HACE1: variants seen among roughly 807,000 people sequenced by gnomAD.
HACE1 encodes the protein E3 ubiquitin-protein ligase HACE1.
A neutral mutation model predicts 118.4 loss-of-function variants in HACE1; 73 were observed. The ratio of observed to expected loss-of-function variants is 0.62; its 90% CI spans 0.51 to 0.75. HACE1 has a LOEUF of 0.75. Ranked by LOEUF, HACE1 falls within the 30% of genes least tolerant of loss-of-function variation. The pLI, the probability that HACE1 is intolerant of heterozygous loss-of-function variation, is 0.00. For synonymous variants in HACE1, 368 were observed against 374.8 expected, an observed-to-expected ratio of 0.98 and a Z score of 0.21; for missense variants, 749 against 1,102.2, an observed-to-expected ratio of 0.68 and a Z score of 4.54.
intron 9 of HACE1, among the ~76,000 whole-genome samples, chr6:104,796,127 A>G (rs960082103): frequency 6.6e-6 from 1 of 152,108 alleles, no homozygotes; most frequent in African/African-American, 2.4e-5. Context: ...TTTTAAAGAT[A>G]GAGCATCACT....
At position 104,848,515 on chromosome 6, in the gene HACE1, A is replaced by G. The variant is rs567071843; in HGVS notation, c.326+627T>C. 1.4e-4 allele frequency among the ~76,000 whole-genome samples: 22 copies of G among 152,192 alleles called. No homozygotes were observed. The East Asian group carries it at 4.3e-3, about 30-fold the overall frequency. ...AGTTCTTCAAGTCCTGAATCAAAAA[A>G]TACTTATTTTCATTTTAAACATAAT... On this transcript the variant is annotated intron_variant, in intron 4 of 23. Coordinates refer to ENST00000262903, the MANE Select transcript of HACE1 (RefSeq NM_020771.4).
intron 22 of HACE1, chr6:104,730,781 C>A: frequency 4.3e-6 from 1 of 234,260 alleles, no homozygotes; most frequent in South Asian, 6.2e-5. Context: ...ATCCCTGGGG[C>A]TAGCAAAATG....
At chr6:104,801,408 A>G (rs1256207270) in intron 7 of HACE1, among the ~76,000 whole-genome samples, 3 of 152,210 alleles carry the variant, frequency 2.0e-5, no homozygotes, top group Admixed American at 6.5e-5. Flanking sequence ...CCCAAGACAC[A>G]TAACTGTCAG....
At chr6:104,858,519 G>A (rs910077363) in intron 1 of HACE1, 2 of 391,688 alleles carry the variant, frequency 5.1e-6, no homozygotes, top group Non-Finnish European at 1.0e-5. Flanking sequence ...GGGGAACATA[G>A]TGAGACCTCA....
At chr6:104,829,311 T>G (rs913584526) in intron 6 of HACE1, among the ~76,000 whole-genome samples, 2 of 152,092 alleles carry the variant, frequency 1.3e-5, no homozygotes, top group African/African-American at 4.8e-5. Flanking sequence ...AACATCATAT[T>G]TCATAGCCCA....
chr6:104,812,003 C>T (rs1217845419), intron 6 of HACE1, among the ~76,000 whole-genome samples: 1 of 151,954 alleles, frequency 6.6e-6, no homozygotes, highest in Non-Finnish European at 1.5e-5. Flanking sequence ...ATACTTAGCC[C>T]CCTAAGCTCT....
chr6:104,787,643 A>C (rs903052257), intron 11 of HACE1, among the ~76,000 whole-genome samples: 10 of 152,214 alleles, frequency 6.6e-5, no homozygotes, highest in African/African-American at 2.2e-4. Context: ...AACACACTGA[A>C]AGGAGGTAAG....
At chr6:104,854,319 G>T (rs1487380751) in intron 1 of HACE1, among the ~76,000 whole-genome samples, 1 of 152,156 alleles carries the variant, frequency 6.6e-6, no homozygotes, top group African/African-American at 2.4e-5. Flanking sequence ...TAGTGGGAAA[G>T]CTGGTGAAAT....
At chr6:104,843,172 C>A in intron 5 of HACE1, 51 bp downstream of exon 5, 1 of 962,172 alleles carries the variant, frequency 1.0e-6, no homozygotes, top group Non-Finnish European at 1.7e-6. Context: ...CATTCAATAT[C>A]ATTTTCTAAA....
At chr6:104,844,270 C>T (rs1334919926) in intron 4 of HACE1, among the ~76,000 whole-genome samples, 5 of 151,790 alleles carry the variant, frequency 3.3e-5, no homozygotes, top group East Asian at 1.9e-4. Context: ...CTCTTGACCT[C>T]GTGATCTGCC....
chr6:104,770,233 T>C (rs1780465363), intron 19 of HACE1, among the ~76,000 whole-genome samples: 1 of 152,156 alleles, frequency 6.6e-6, no homozygotes, highest in South Asian at 2.1e-4. Context: ...TTAGTATTGT[T>C]CAACCAGAAG....
intron 20 of HACE1, 85 bp downstream of exon 20, chr6:104,750,256 T>C (rs1777895420): frequency 8.9e-7 from 1 of 1,129,618 alleles, no homozygotes; most frequent in African/African-American, 1.5e-5. Context: ...TCATTCATCA[T>C]AATACTCCAC....
At chr6:104,832,985 G>GAAAAGTTTTTCATT in intron 6 of HACE1, 57 bp downstream of exon 6, 1 of 1,505,566 alleles carries the variant, frequency 6.6e-7, no homozygotes, top group Non-Finnish European at 9.2e-7. Context: ...AACTTTTCAT[G>GAAAAGTTTTTCATT]AAATCAATTT....
chr6:104,852,469 C>T (rs541247263), intron 1 of HACE1, 98 bp from the exon 2 acceptor site: 36 of 738,170 alleles, frequency 4.9e-5, no homozygotes, highest in South Asian at 4.7e-4. Flanking sequence ...ATACAAAAAG[C>T]GAAAAGGAGA....
chr6:104,735,169 C>G (rs1775675143), intron 22 of HACE1, among the ~76,000 whole-genome samples: 1 of 151,806 alleles, frequency 6.6e-6, no homozygotes, highest in African/African-American at 2.4e-5. Flanking sequence ...ACATGGAAAT[C>G]TCTATATTTA....
chr6:104,757,076 G>A (rs939635650), intron 19 of HACE1, among the ~76,000 whole-genome samples: 13 of 152,248 alleles, frequency 8.5e-5, no homozygotes, highest in East Asian at 7.7e-4. Flanking sequence ...TGAACTGGGC[G>A]GTGGCCACTG....
chr6:104,840,630 A>T (rs1665579124), intron 5 of HACE1, among the ~76,000 whole-genome samples: 1 of 152,084 alleles, frequency 6.6e-6, no homozygotes, highest in Non-Finnish European at 1.5e-5. Flanking sequence ...GGAGTTCGAG[A>T]TCAGCCTAGC....
intron 6 of HACE1, among the ~76,000 whole-genome samples, chr6:104,824,486 TTAGA>T (rs1193851296): frequency 1.3e-5 from 2 of 152,120 alleles, no homozygotes; most frequent in African/African-American, 2.4e-5. Flanking sequence ...AGGTTAAAAC[TTAGA>T]TAGATGAAAA....
At chr6:104,841,040 G>C (rs1321558929) in intron 5 of HACE1, among the ~76,000 whole-genome samples, 1 of 151,550 alleles carries the variant, frequency 6.6e-6, no homozygotes, top group Non-Finnish European at 1.5e-5. Flanking sequence ...AGAATCACTT[G>C]AACCCGGGAG....
Sources: allele counts gnomAD v4.1 joint callset (sites outside exome capture counted in the v4.1 genomes callset), GRCh38; gene constraint gnomAD v4.1.1; transcripts MANE v1.5; gene names NCBI Gene and HGNC (gene_info 2026-07-23, HGNC 2026-07-21).